The following ATP2B2 variants were observed in gnomAD, a reference collection of about 807,000 sequenced individuals.
ATP2B2 encodes the protein ATPase plasma membrane Ca2+ transporting 2, also known as plasma membrane calcium-transporting ATPase 2.
ATP2B2 carries 15 observed loss-of-function variants against 120.0 expected under a neutral mutation model. That is an observed-to-expected ratio of 0.12 (90% CI 0.08 to 0.19). The LOEUF is 0.19. Among genes scored for constraint, ATP2B2 ranks in the 10% least tolerant of loss-of-function variants. The pLI is 1.00. For missense variants in ATP2B2, 1,045 were observed against 1,719.8 expected (o/e 0.61, Z 6.94); for synonymous variants, 694 against 700.3 (o/e 0.99, Z 0.14).
intron 1 of ATP2B2, among the ~76,000 whole-genome samples, chr3:10,666,955 TA>T: frequency 6.6e-6 from 1 of 152,224 alleles, no homozygotes; most frequent in Non-Finnish European, 1.5e-5. Context: ...TTAGTGGAGT[TA>T]CCAGGCAACC....
intron 1 of ATP2B2, among the ~76,000 whole-genome samples, chr3:10,501,546 T>C (rs916028530): frequency 6.6e-6 from 1 of 152,006 alleles, no homozygotes; most frequent in East Asian, 1.9e-4. Flanking sequence ...AATTTTTAAA[T>C]TTTTTGTAGA....
chr3:10,596,454 A>G (rs992950343), intron 2 of ATP2B2, among the ~76,000 whole-genome samples: 4 of 152,210 alleles, frequency 2.6e-5, no homozygotes, highest in Non-Finnish European at 2.9e-5. Flanking sequence ...TTAATTTTGC[A>G]TGTCTTCAAT....
rs1445024583 is a variant in ATP2B2 at position 10,326,252 on chromosome 3, C to A, written c.*2562G>T. The A allele has an allele frequency of 6.5e-6, 1 of 153,506 alleles. No individual in the cohort carries two copies. The highest frequency in any genetic ancestry group is 2.1e-4 in the South Asian group (1 of 4,822). The allele number at this position is 153,506 out of a possible 1,614,324, so 9.5% of individuals were successfully genotyped here. A position where few individuals can be genotyped will look rare whatever the true frequency, so the allele number is the denominator to read the frequency against. ...ACTACAGTGAGTTTTGACAAACCAA[C>A]CATTTCGTGTGTGTGTGTGTGTATG... is the stretch of plus-strand genomic sequence containing the variant. On this transcript the variant is annotated 3_prime_UTR_variant, in exon 23 of 23. Transcript: ENST00000360273.
intron 1 of ATP2B2, among the ~76,000 whole-genome samples, chr3:10,489,358 G>A (rs1434949830): frequency 6.6e-6 from 1 of 152,188 alleles, no homozygotes; most frequent in Non-Finnish European, 1.5e-5. Context: ...CCACTGCCTG[G>A]CACACAGTAG....
intron 2 of ATP2B2, among the ~76,000 whole-genome samples, chr3:10,542,441 C>T (rs2125497707): frequency 6.6e-6 from 1 of 152,264 alleles, no homozygotes; most frequent in South Asian, 2.1e-4. Flanking sequence ...TCATGTTCTT[C>T]CTTCCTTCCT....
At chr3:10,413,940 C>T (rs1179552136) in intron 2 of ATP2B2, among the ~76,000 whole-genome samples, 1 of 152,192 alleles carries the variant, frequency 6.6e-6, no homozygotes, top group Non-Finnish European at 1.5e-5. Context: ...CCAACACTGG[C>T]CTGTTATGGC....
At chr3:10,551,129 G>T (rs1456471914) in intron 2 of ATP2B2, among the ~76,000 whole-genome samples, 1 of 152,200 alleles carries the variant, frequency 6.6e-6, no homozygotes, top group African/African-American at 2.4e-5. Context: ...AGACAGCAGG[G>T]CATACCAAGT....
chr3:10,392,416 A>T (rs1256286556), intron 5 of ATP2B2, among the ~76,000 whole-genome samples: 1 of 152,200 alleles, frequency 6.6e-6, no homozygotes, highest in Middle Eastern at 3.2e-3. Flanking sequence ...GGACTGGGGC[A>T]TTCCCTAGAC....
chr3:10,387,534 G>T lies in ATP2B2; in HGVS notation c.907+743C>A, dbSNP rs57888403. 7.2e-3 allele frequency among the ~76,000 whole-genome samples: 1,104 copies of T among 152,356 alleles called. 19 individuals carry two copies. The highest frequency in any genetic ancestry group is 0.025 in the African/African-American group (1,026 of 41,578). ...AGGGGGGCTATCTTTGAGATCAAGTGTGGGGACAGGTAAGGAGTCAGCTGT... is the reference window on the plus strand; with the variant it reads ...AGGGGGGCTATCTTTGAGATCAAGTTTGGGGACAGGTAAGGAGTCAGCTGT... On this transcript the variant is annotated intron_variant, in intron 6 of 22. Coordinates refer to ENST00000360273, the MANE Select transcript of ATP2B2 (RefSeq NM_001001331.4).
At chr3:10,632,299 C>T (rs1342060459) in intron 1 of ATP2B2, among the ~76,000 whole-genome samples, 1 of 152,208 alleles carries the variant, frequency 6.6e-6, no homozygotes, top group East Asian at 1.9e-4. Flanking sequence ...CATAGAGAGG[C>T]CGCAGTCTCC....
At chr3:10,541,611 A>T (rs900928896) in intron 2 of ATP2B2, among the ~76,000 whole-genome samples, 1 of 152,128 alleles carries the variant, frequency 6.6e-6, no homozygotes, top group African/African-American at 2.4e-5. Flanking sequence ...GTTTGATTCC[A>T]CCGTGGCCAG....
chr3:10,658,459 G>A (rs575549893), intron 1 of ATP2B2, among the ~76,000 whole-genome samples: 11 of 152,340 alleles, frequency 7.2e-5, no homozygotes, highest in African/African-American at 2.6e-4. Flanking sequence ...ACAAGCTTCA[G>A]TAGCCGATTT....
At chr3:10,491,351 G>A (rs2065928382) in intron 1 of ATP2B2, among the ~76,000 whole-genome samples, 1 of 151,300 alleles carries the variant, frequency 6.6e-6, no homozygotes, top group African/African-American at 2.4e-5. Context: ...TCAGCCTCCC[G>A]AGTAGCTTGG....
intron 3 of ATP2B2, among the ~76,000 whole-genome samples, chr3:10,531,500 G>A (rs2067209468): frequency 6.6e-6 from 1 of 152,194 alleles, no homozygotes; most frequent in Non-Finnish European, 1.5e-5. Flanking sequence ...TGTCTTATGG[G>A]GCTGTTGTGA....
chr3:10,630,102 A>C (rs1461603141), intron 1 of ATP2B2, among the ~76,000 whole-genome samples: 1 of 152,250 alleles, frequency 6.6e-6, no homozygotes, highest in Non-Finnish European at 1.5e-5. Flanking sequence ...CCTCACAGAC[A>C]GCAGCAGGCA....
At chr3:10,399,763 C>T (rs1235443109) in intron 5 of ATP2B2, among the ~76,000 whole-genome samples, 1 of 152,226 alleles carries the variant, frequency 6.6e-6, no homozygotes. Context: ...TGCCTTTGTA[C>T]ATGGTTCCCT....
chr3:10,444,642 C>G (rs1308204253), intron 2 of ATP2B2, among the ~76,000 whole-genome samples: 1 of 152,210 alleles, frequency 6.6e-6, no homozygotes, highest in African/African-American at 2.4e-5. Flanking sequence ...AAACATGCTA[C>G]GTGGCAAACA....
At chr3:10,653,321 C>T (rs1332752261) in intron 1 of ATP2B2, among the ~76,000 whole-genome samples, 1 of 152,132 alleles carries the variant, frequency 6.6e-6, no homozygotes, top group Non-Finnish European at 1.5e-5. Flanking sequence ...ATCCTGGAAA[C>T]ATTGTTTCCA....
At chr3:10,416,785 A>C (rs1202281438) in intron 2 of ATP2B2, among the ~76,000 whole-genome samples, 1 of 151,680 alleles carries the variant, frequency 6.6e-6, no homozygotes, top group Non-Finnish European at 1.5e-5. Flanking sequence ...TTTTAATTAG[A>C]AAGTAAACTT....
Sources: gnomAD v4.1 joint callset for allele counts (sites outside exome capture counted in the v4.1 genomes callset) on GRCh38, gnomAD v4.1.1 for gene constraint, MANE v1.5 for transcripts, NCBI Gene and HGNC (gene_info 2026-07-23, HGNC 2026-07-21) for gene names.